The following GLIS3 variants were observed in gnomAD, a reference collection of about 807,000 sequenced individuals.
GLIS3 encodes zinc finger protein GLIS3.
In GLIS3, 53 loss-of-function variants were observed where a neutral mutation model predicts 78.6. The observed-to-expected ratio is 0.67, with a 90% CI of 0.54 to 0.85. The LOEUF (loss-of-function observed/expected upper bound fraction) is 0.85. Among genes scored for constraint, GLIS3 ranks in the 40% least tolerant of loss-of-function variants. The pLI is 0.00. For synonymous variants in GLIS3, 684 were observed against 509.9 expected, an observed-to-expected ratio of 1.34 and a Z score of -4.60; for missense variants, 1,703 against 1,231.1, an observed-to-expected ratio of 1.38 and a Z score of -5.74.
intron 2 of GLIS3, among the ~76,000 whole-genome samples, chr9:4,264,547 G>T (rs1290257475): frequency 1.3e-5 from 2 of 152,104 alleles, no homozygotes; most frequent in African/African-American, 2.4e-5. Flanking sequence ...GAACCAAAAT[G>T]ACCTGGCTGT....
chr9:4,472,884 G>T, the GLIS3 span, among the ~76,000 whole-genome samples: 1 of 152,058 alleles, frequency 6.6e-6, no homozygotes, highest in Non-Finnish European at 1.5e-5. Context: ...GATAATTATT[G>T]TAAAAATCAA....
chr9:4,463,961 GA>G, the GLIS3 span, among the ~76,000 whole-genome samples: 3 of 151,938 alleles, frequency 2.0e-5, no homozygotes, highest in South Asian at 2.1e-4. Context: ...ATACTTCGAA[GA>G]AAAAAAATTT....
chr9:3,950,600 T>C (rs138608206), intron 4 of GLIS3, among the ~76,000 whole-genome samples: 261 of 152,366 alleles, frequency 1.7e-3, no homozygotes, highest in African/African-American at 6.0e-3. Flanking sequence ...TTCTATGCAT[T>C]ATTCACAGCT....
At chr9:4,210,776 CCA>C (rs1215340628) in intron 2 of GLIS3, among the ~76,000 whole-genome samples, 1 of 152,246 alleles carries the variant, frequency 6.6e-6, no homozygotes, top group African/African-American at 2.4e-5. Flanking sequence ...CCTGCTAGAG[CCA>C]GTCTCCTTAT....
At chr9:4,070,142 C>G (rs1276936063) in intron 4 of GLIS3, among the ~76,000 whole-genome samples, 1 of 152,072 alleles carries the variant, frequency 6.6e-6, no homozygotes, top group East Asian at 1.9e-4. Context: ...TTCTCACTAC[C>G]TCTGCTTAAG....
rs1486429544 is a variant in GLIS3, at chr9:3,892,586, T to G, written c.2128+6105A>C. Among the ~76,000 whole-genome samples the G allele has an allele frequency of 3.3e-5, 5 of 152,348 alleles. No homozygotes were observed. In the South Asian group the frequency reaches 6.2e-4, roughly 19 times the overall value. On this transcript the variant is annotated intron_variant, in intron 7 of 10. Coordinates refer to ENST00000381971, the MANE Select transcript of GLIS3 (RefSeq NM_001042413.2). ...CATTAATGTCCCTTAATTTAGAGTC[T>G]TTGCTATTCTTAAGATTTTCAGTAC...
chr9:4,108,424 T>C (rs149183069), intron 4 of GLIS3, among the ~76,000 whole-genome samples: 1,655 of 152,172 alleles, frequency 0.011, 8 homozygotes, highest in Admixed American at 0.017. Context: ...GGGAAGAAGG[T>C]AGTAGGGGTC....
the GLIS3 span, among the ~76,000 whole-genome samples, chr9:4,356,444 A>C: frequency 6.6e-6 from 1 of 152,236 alleles, no homozygotes; most frequent in Non-Finnish European, 1.5e-5. Context: ...TGTATCTGCC[A>C]CCAGAGATAA....
At chr9:4,407,580 G>C in the GLIS3 span, among the ~76,000 whole-genome samples, 1 of 152,224 alleles carries the variant, frequency 6.6e-6, no homozygotes, top group Non-Finnish European at 1.5e-5. Context: ...CCGGGAGGCG[G>C]AGCTTGCGGT....
the GLIS3 span, among the ~76,000 whole-genome samples, chr9:4,473,454 C>CACCAAAAAAAAAAA: frequency 1.4e-3 from 84 of 58,842 alleles, 4 homozygotes; most frequent in African/African-American, 1.8e-3. Context: ...TCAACAACAA[C>CACCAAAAAAAAAAA]AACAACAAAA....
chr9:3,901,734 G>C (rs1442806398), intron 6 of GLIS3, among the ~76,000 whole-genome samples: 2 of 152,160 alleles, frequency 1.3e-5, no homozygotes. Context: ...TCACTTTGTT[G>C]TAATTTCCTC....
At chr9:3,834,138 G>A (rs185874556) in intron 9 of GLIS3, among the ~76,000 whole-genome samples, 56 of 152,200 alleles carry the variant, frequency 3.7e-4, no homozygotes, top group Non-Finnish European at 7.1e-4. Context: ...ATTCTTAGAA[G>A]GCTTTTTCTT....
At chr9:4,123,662 G>C in intron 3 of GLIS3, 1 of 390,226 alleles carries the variant, frequency 2.6e-6, no homozygotes, top group Non-Finnish European at 4.5e-6. Flanking sequence ...CTGGAAAAAA[G>C]TAATTAAAAA....
intron 2 of GLIS3, among the ~76,000 whole-genome samples, chr9:4,138,319 G>C (rs1351433780): frequency 6.6e-6 from 1 of 152,212 alleles, no homozygotes; most frequent in Non-Finnish European, 1.5e-5. Flanking sequence ...CTTGGTCCTA[G>C]GCCGTACAGC....
Position 3,943,296 on chromosome 9 carries a change from C to T in GLIS3, c.1711-6107G>A, listed in dbSNP as rs550241557. On this transcript the variant is annotated intron_variant, in intron 4 of 10. Transcript: ENST00000381971. ...GGCTTTTAAAAAGTAGTTCATGAAT[C>T]GATTATGTGGAGTAATAGGGAATTC... Among the ~76,000 whole-genome samples, 13 of 152,226 alleles carry T rather than the reference C, an allele frequency of 8.5e-5. No individual in the cohort carries two copies. In the East Asian group the frequency reaches 1.4e-3, roughly 16 times the overall value.
intron 4 of GLIS3, among the ~76,000 whole-genome samples, chr9:4,046,266 A>G (rs1825241164): frequency 6.6e-6 from 1 of 152,086 alleles, no homozygotes; most frequent in Non-Finnish European, 1.5e-5. Context: ...CCAGTTGAAC[A>G]TTTTCATCAT....
In GLIS3 at chr9:4,167,764, T is replaced by C. The variant is rs181160898; in HGVS notation, c.389-41823A>G. On this transcript the variant is annotated intron_variant, in intron 2 of 10. Coordinates refer to ENST00000381971, the MANE Select transcript of GLIS3 (RefSeq NM_001042413.2). ...TTTCACTGCCTTTCATATACTTTTC[T>C]GCAAATCCAACAGTAATACTTATTT... Among the ~76,000 whole-genome samples the C allele has an allele frequency of 5.2e-4, 79 of 152,356 alleles. 1 individual carries two copies. In the East Asian group the frequency reaches 0.015, roughly 28 times the overall value.
intron 4 of GLIS3, among the ~76,000 whole-genome samples, chr9:4,076,631 T>C (rs935136772): frequency 6.6e-6 from 1 of 152,234 alleles, no homozygotes; most frequent in Non-Finnish European, 1.5e-5. Context: ...TATTTATCTG[T>C]AGTACACATC....
intron 2 of GLIS3, among the ~76,000 whole-genome samples, chr9:4,199,284 C>T (rs141971211): frequency 1.4e-4 from 22 of 152,110 alleles, no homozygotes; most frequent in Admixed American, 5.2e-4. Context: ...GGATGAAAAA[C>T]GAGACCAATC....
Sources: gnomAD v4.1 joint callset for allele counts (sites outside exome capture counted in the v4.1 genomes callset) on GRCh38, gnomAD v4.1.1 for gene constraint, MANE v1.5 for transcripts, NCBI Gene and HGNC (gene_info 2026-07-23, HGNC 2026-07-21) for gene names.